Variants in CNBD1 observed in about 807,000 individuals in gnomAD.
The protein encoded by CNBD1 is cyclic nucleotide-binding domain-containing protein 1.
CNBD1 carries 71 observed loss-of-function variants against 54.4 expected under a neutral mutation model. The ratio of observed to expected loss-of-function variants is 1.30; its 90% CI spans 1.08 to 1.59. CNBD1 has a LOEUF of 1.59. Ranked by LOEUF, CNBD1 falls within the 40% of genes most tolerant of loss-of-function variation. CNBD1 has a pLI of 0.00. For missense variants in CNBD1, 659 were observed against 518.0 expected (o/e 1.27, Z -2.64); for synonymous variants, 182 against 170.7 (o/e 1.07, Z -0.51).
At chr8:86,991,168 A>C (rs1321489074) in intron 4 of CNBD1, among the ~76,000 whole-genome samples, 1 of 151,982 alleles carries the variant, frequency 6.6e-6, no homozygotes, top group African/African-American at 2.4e-5. Flanking sequence ...GATGCCCTTT[A>C]TTTCTTTATC....
intron 4 of CNBD1, among the ~76,000 whole-genome samples, chr8:86,997,479 C>T (rs910238234): frequency 1.6e-4 from 24 of 152,114 alleles, no homozygotes; most frequent in African/African-American, 5.8e-4. Flanking sequence ...TTTTAGTCCT[C>T]CTTGAAAAAG....
chr8:87,314,686 T>C (rs1344135693), intron 8 of CNBD1, among the ~76,000 whole-genome samples: 1 of 151,976 alleles, frequency 6.6e-6, no homozygotes, highest in Non-Finnish European at 1.5e-5. Context: ...AATATAAAAT[T>C]AAGTGAGGTA....
At chr8:87,284,500 C>T (rs1305582564) in intron 6 of CNBD1, among the ~76,000 whole-genome samples, 178 bp from the exon 7 acceptor site, 1 of 152,072 alleles carries the variant, frequency 6.6e-6, no homozygotes, top group Non-Finnish European at 1.5e-5. Flanking sequence ...AAAGAATGGC[C>T]ATTTCTCTTG....
intron 4 of CNBD1, among the ~76,000 whole-genome samples, chr8:86,947,545 A>T (rs1032878034): frequency 6.6e-6 from 1 of 152,158 alleles, no homozygotes; most frequent in African/African-American, 2.4e-5. Context: ...ATTCATGCTC[A>T]ATTTCATTTT....
intron 4 of CNBD1, among the ~76,000 whole-genome samples, chr8:87,122,940 T>G (rs558039210): frequency 6.6e-6 from 1 of 151,902 alleles, no homozygotes; most frequent in Non-Finnish European, 1.5e-5. Flanking sequence ...CTGTTTTGAT[T>G]ACTATAGCTT....
intron 1 of CNBD1, among the ~76,000 whole-genome samples, chr8:86,868,928 A>T (rs1351256670): frequency 7.6e-6 from 1 of 131,398 alleles, no homozygotes; most frequent in African/African-American, 3.0e-5. Context: ...GAGCCCTTAT[A>T]AGCAAAAGAG....
chr8:87,232,642 G>A (rs980231981), intron 5 of CNBD1, among the ~76,000 whole-genome samples: 8 of 151,968 alleles, frequency 5.3e-5, no homozygotes, highest in South Asian at 2.1e-4. Flanking sequence ...GCTAAAAAAC[G>A]TTATATAAAT....
intron 2 of CNBD1, among the ~76,000 whole-genome samples, chr8:87,426,820 T>C (rs938334351): frequency 2.0e-5 from 3 of 152,192 alleles, no homozygotes; most frequent in Non-Finnish European, 4.4e-5. Context: ...GTGTATCCCA[T>C]TGACAGACCC....
At chr8:87,046,085 C>T (rs1348199958) in intron 4 of CNBD1, among the ~76,000 whole-genome samples, 1 of 151,294 alleles carries the variant, frequency 6.6e-6, no homozygotes, top group Non-Finnish European at 1.5e-5. Context: ...AGGTGCCCCC[C>T]TACTTTGGCT....
intron 4 of CNBD1, among the ~76,000 whole-genome samples, chr8:87,105,876 G>T (rs1188768076): frequency 6.6e-6 from 1 of 152,092 alleles, no homozygotes; most frequent in African/African-American, 2.4e-5. Flanking sequence ...GTCATTGTCA[G>T]TGCACATTTT....
chr8:87,270,692 T>TA (rs1296349069), intron 6 of CNBD1, among the ~76,000 whole-genome samples: 1 of 151,872 alleles, frequency 6.6e-6, no homozygotes, highest in African/African-American at 2.4e-5. Context: ...TCTTTATTTT[T>TA]AAAAAAATTT....
chr8:87,254,226 T>C (rs1343071621), intron 6 of CNBD1, among the ~76,000 whole-genome samples: 1 of 151,960 alleles, frequency 6.6e-6, no homozygotes, highest in Admixed American at 6.6e-5. Context: ...TGGAAAAGAC[T>C]CCCACTAAGC....
chr8:87,285,666 T>A (rs962645284), intron 7 of CNBD1, among the ~76,000 whole-genome samples: 2 of 151,834 alleles, frequency 1.3e-5, no homozygotes, highest in African/African-American at 4.8e-5. Flanking sequence ...AGGTCGAGAG[T>A]TCGAGACCAG....
chr8:87,236,010 C>T (rs1238168317), intron 5 of CNBD1, among the ~76,000 whole-genome samples: 1 of 151,932 alleles, frequency 6.6e-6, no homozygotes. Context: ...CTAATAAGCA[C>T]TCAGAAAAAA....
intron 4 of CNBD1, among the ~76,000 whole-genome samples, chr8:86,983,693 G>A (rs66755903): frequency 0.19 from 28,931 of 152,132 alleles, 3,589 homozygotes; most frequent in Admixed American, 0.33. Flanking sequence ...TTTTGTACCT[G>A]CTCTAGAGAT....
chr8:87,006,693 C>T (rs143313111), intron 4 of CNBD1, among the ~76,000 whole-genome samples: 3 of 152,064 alleles, frequency 2.0e-5, no homozygotes, highest in African/African-American at 4.8e-5. Context: ...GCCTCACTTC[C>T]GGCATTAGAG....
intron 4 of CNBD1, among the ~76,000 whole-genome samples, chr8:87,154,302 T>G (rs1304426464): frequency 6.6e-6 from 1 of 151,978 alleles, no homozygotes; most frequent in South Asian, 2.1e-4. Flanking sequence ...AGAAGGAAAG[T>G]CAGGAGGAAG....
chr8:87,226,117 T>A (rs971959897), intron 5 of CNBD1, among the ~76,000 whole-genome samples: 1 of 152,236 alleles, frequency 6.6e-6, no homozygotes, highest in African/African-American at 2.4e-5. Context: ...TGCATCTGTT[T>A]GATTCTTCTC....
In CNBD1 at chr8:87,261,336, C is replaced by T. The variant is rs529802252; in HGVS notation, c.772-23342C>T. 2.6e-5 allele frequency among the ~76,000 whole-genome samples: 4 copies of T among 152,102 alleles called. No homozygotes were observed. The South Asian group carries it at 8.3e-4, about 32-fold the overall frequency. On this transcript the variant is annotated intron_variant, in intron 6 of 10. Transcript: ENST00000518476. ...CAGGTACCTTGCGGGTTCAGTGCTC[C>T]TGGGGGTTGCTAGAAGCTTTACTTT... is the stretch of plus-strand genomic sequence containing the variant.
Sources: gnomAD v4.1 joint callset for allele counts (sites outside exome capture counted in the v4.1 genomes callset) on GRCh38, gnomAD v4.1.1 for gene constraint, MANE v1.5 for transcripts, NCBI Gene and HGNC (gene_info 2026-07-23, HGNC 2026-07-21) for gene names.